The following HTRA3 variants were observed in gnomAD, a reference collection of about 807,000 sequenced individuals.
HTRA3 encodes the protein serine protease HTRA3.
A neutral mutation model predicts 43.2 loss-of-function variants in HTRA3; 41 were observed. That is an observed-to-expected ratio of 0.95 (90% CI 0.74 to 1.23). The LOEUF (loss-of-function observed/expected upper bound fraction) is 1.23. HTRA3 is among the 50% of genes most tolerant of loss of function. The probability of loss-of-function intolerance (pLI) is 0.00; values close to 1 mark genes in which losing one functional copy is unlikely to be tolerated. For missense variants in HTRA3, 628 were observed against 647.1 expected (o/e 0.97, Z 0.32); for synonymous variants, 295 against 287.9 (o/e 1.02, Z -0.25).
intron 1 of HTRA3, among the ~76,000 whole-genome samples, chr4:8,272,612 A>C (rs1166282421): frequency 6.6e-6 from 1 of 152,188 alleles, no homozygotes; most frequent in Non-Finnish European, 1.5e-5. Context: ...TGTTGTTATC[A>C]CTGTGGCGAC....
chr4:8,303,134 G>A (rs1713721827), intron 7 of HTRA3, among the ~76,000 whole-genome samples: 1 of 152,144 alleles, frequency 6.6e-6, no homozygotes, highest in South Asian at 2.1e-4. Flanking sequence ...TGAGGCTCTG[G>A]GTGTACACGA....
chr4:8,276,349 C>T (rs532035205), intron 1 of HTRA3, among the ~76,000 whole-genome samples: 44 of 152,334 alleles, frequency 2.9e-4, no homozygotes, highest in African/African-American at 9.4e-4. Context: ...GTGCTTTGCA[C>T]GGTGCCGGGC....
chr4:8,292,712 C>T lies in HTRA3; in HGVS notation c.936+359C>T, dbSNP rs561140516. On this transcript the variant is annotated intron_variant, in intron 5 of 8. Transcript: ENST00000307358. ...ACAGGGGCACCCTCATTCTCCCCTT[C>T]CCAGTTGTGTCTTGAGCCTCAAAGT... Among the ~76,000 whole-genome samples, 65 of 152,328 alleles carry T rather than the reference C, an allele frequency of 4.3e-4. No homozygotes were observed. In the South Asian group the frequency reaches 6.4e-3, roughly 15 times the overall value.
chr4:8,272,027 G>T (rs1334212967), intron 1 of HTRA3, among the ~76,000 whole-genome samples: 1 of 152,200 alleles, frequency 6.6e-6, no homozygotes, highest in East Asian at 1.9e-4. Flanking sequence ...ATCAGTTTGG[G>T]GCTTGGTGCT....
At chr4:8,277,818 C>T (rs1315155478) in intron 1 of HTRA3, among the ~76,000 whole-genome samples, 1 of 152,210 alleles carries the variant, frequency 6.6e-6, no homozygotes, top group Non-Finnish European at 1.5e-5. Context: ...GGACCCATGG[C>T]TATCCACTCA....
Position 8,297,933 on chromosome 4 carries a change from A to T in HTRA3, c.1051+3732A>T, listed in dbSNP as rs1357820735. 1.3e-5 allele frequency among the ~76,000 whole-genome samples: 2 copies of T among 152,072 alleles called. No homozygotes were observed. Among genetic ancestry groups the T allele is most frequent in the Admixed American group, 6.5e-5 (1 of 15,272 alleles). ...CCTGCCGTCCCCACTGAGTTATGTC[A>T]GCCTTGTCCCTCTGTCCCTCTGTCC... On this transcript the variant is annotated intron_variant, in intron 6 of 8. Coordinates refer to ENST00000307358, the MANE Select transcript of HTRA3 (RefSeq NM_053044.5). This position sits in a 1 kb window ranked among gnomAD's most constrained non-coding sequence, Gnocchi z 5.8.
chr4:8,291,263 G>T lies in HTRA3; in HGVS notation c.709-107G>T, dbSNP rs182354620. On this transcript the variant is annotated intron_variant, in intron 3 of 8. Coordinates refer to ENST00000307358, the MANE Select transcript of HTRA3 (RefSeq NM_053044.5). The stretch of plus-strand genomic sequence containing the variant: ...TTCACAGTCCTGGTGGCTTTGCACA[G>T]ATGTGCATGCCTTCCCTGGGACCCC... 1.0e-3 allele frequency: 975 copies of T among 959,844 alleles called. 4 individuals carry two copies. In the African/African-American group the frequency reaches 0.014, roughly 14 times the overall value. 59.5% of individuals were successfully genotyped at this position (959,844 alleles called of 1,614,324 possible).
At chr4:8,272,480 G>T (rs567445009) in intron 1 of HTRA3, among the ~76,000 whole-genome samples, 1 of 152,368 alleles carries the variant, frequency 6.6e-6, no homozygotes, top group South Asian at 2.1e-4. Flanking sequence ...GGTGACCTTA[G>T]ACCACTTGCT....
intron 3 of HTRA3, among the ~76,000 whole-genome samples, chr4:8,288,872 C>T (rs980635306): frequency 1.5e-5 from 2 of 129,886 alleles, no homozygotes; most frequent in Non-Finnish European, 3.3e-5. Flanking sequence ...CACCCCACCC[C>T]CAAATTTTCC....
chr4:8,270,517 G>T (rs1012000094), intron 1 of HTRA3, among the ~76,000 whole-genome samples, 164 bp downstream of exon 1: 6 of 152,228 alleles, frequency 3.9e-5, no homozygotes, highest in African/African-American at 1.4e-4. Flanking sequence ...AGAAACTGAG[G>T]CCCGGAAAGG....
intron 3 of HTRA3, among the ~76,000 whole-genome samples, chr4:8,289,381 A>G (rs1244406717): frequency 6.6e-6 from 1 of 152,242 alleles, no homozygotes; most frequent in African/African-American, 2.4e-5. Flanking sequence ...GCTGCGTTCC[A>G]GTGAAGCTTG....
intron 6 of HTRA3, among the ~76,000 whole-genome samples, chr4:8,300,957 GCTTTATTATTGAGTCACACTCAT>G (rs1480696444): frequency 7.1e-6 from 1 of 140,910 alleles, no homozygotes; most frequent in Admixed American, 6.9e-5. Context: ...TTCACACTCA[GCTTTATTATTGAGTCACACTCAT>G]CTTTATTATT....
At chr4:8,283,543 A>G (rs1347239039) in intron 2 of HTRA3, among the ~76,000 whole-genome samples, 1 of 152,260 alleles carries the variant, frequency 6.6e-6, no homozygotes. Context: ...CCGCAGAAGC[A>G]GACTGAATGA....
At chr4:8,303,855 TGTCC>T (rs1046403993) in intron 7 of HTRA3, among the ~76,000 whole-genome samples, 2 of 152,162 alleles carry the variant, frequency 1.3e-5, no homozygotes, top group African/African-American at 4.8e-5. Flanking sequence ...ATTGCCTGTC[TGTCC>T]ATTTCTCCTT....
chr4:8,299,255 G>T (rs1354747330), intron 6 of HTRA3, among the ~76,000 whole-genome samples: 1 of 152,128 alleles, frequency 6.6e-6, no homozygotes, highest in Non-Finnish European at 1.5e-5. Flanking sequence ...TATTATAAAT[G>T]ATGTATTCTT....
At chr4:8,300,719 CTT>C (rs1713605458) in intron 6 of HTRA3, among the ~76,000 whole-genome samples, 1 of 152,086 alleles carries the variant, frequency 6.6e-6, no homozygotes, top group Admixed American at 6.5e-5. Flanking sequence ...ACATTCTTAT[CTT>C]TATTTCATTG....
chr4:8,289,213 G>A (rs1430346403), intron 3 of HTRA3, among the ~76,000 whole-genome samples: 1 of 152,196 alleles, frequency 6.6e-6, no homozygotes, highest in African/African-American at 2.4e-5. Flanking sequence ...GCCTCCCAAA[G>A]TGTTGGGATT....
At chr4:8,287,137 G>A (rs1161891740) in intron 3 of HTRA3, among the ~76,000 whole-genome samples, 1 of 152,186 alleles carries the variant, frequency 6.6e-6, no homozygotes, top group African/African-American at 2.4e-5. Context: ...ATGGCATCTG[G>A]GTTTGGGCGT....
At position 8,286,035 on chromosome 4, in the gene HTRA3, T is replaced by C. The variant is rs1246829583; in HGVS notation, c.486-526T>C. ...TGCTGCAGCCCTGCAGGATGCTGTG[T>C]GTGCAATGGGGCTTTTCCCCTAGGG... is the stretch of plus-strand genomic sequence containing the variant. On this transcript the variant is annotated intron_variant, in intron 2 of 8. Coordinates refer to ENST00000307358, the MANE Select transcript of HTRA3 (RefSeq NM_053044.5). This position sits in a 1 kb window ranked among gnomAD's most constrained non-coding sequence, Gnocchi z 4.9. Among the ~76,000 whole-genome samples the C allele has an allele frequency of 1.3e-5, 2 of 152,216 alleles. No homozygotes were observed. Among genetic ancestry groups the C allele is most frequent in the East Asian group, 3.8e-4 (2 of 5,198 alleles).
Sources: allele counts gnomAD v4.1 joint callset (sites outside exome capture counted in the v4.1 genomes callset), GRCh38; gene constraint gnomAD v4.1.1; non-coding constraint Gnocchi (gnomAD v3.1); transcripts MANE v1.5; gene names NCBI Gene and HGNC (gene_info 2026-07-23, HGNC 2026-07-21).